The following WWOX variants were observed in gnomAD, a reference collection of about 807,000 sequenced individuals.
WWOX encodes WW domain containing oxidoreductase.
In WWOX, 69 loss-of-function variants were observed where a neutral mutation model predicts 46.2. That is an observed-to-expected ratio of 1.49 (90% CI 1.23 to 1.82). The LOEUF (loss-of-function observed/expected upper bound fraction) is 1.82, where lower values mean the gene tolerates loss of function less well. Among genes scored for constraint, WWOX ranks in the 40% most tolerant of loss-of-function variants. The pLI is 0.00. For missense variants in WWOX, 919 were observed against 542.6 expected, an observed-to-expected ratio of 1.69 and a Z score of -6.89; for synonymous variants, 359 against 202.6, an observed-to-expected ratio of 1.77 and a Z score of -6.56.
intron 8 of WWOX, among the ~76,000 whole-genome samples, chr16:78,588,144 G>T (rs1481436814): frequency 1.3e-5 from 2 of 152,102 alleles, no homozygotes; most frequent in East Asian, 3.9e-4. Context: ...GGTTAGTATT[G>T]GCAAGCTAAT....
intron 8 of WWOX, among the ~76,000 whole-genome samples, chr16:79,081,137 T>C (rs1203021469): frequency 6.6e-6 from 1 of 152,060 alleles, no homozygotes; most frequent in African/African-American, 2.4e-5. Flanking sequence ...AAAATCGAGA[T>C]CCAGTGGAGT....
chr16:78,999,487 C>G (rs1597256689), intron 8 of WWOX, among the ~76,000 whole-genome samples: 1 of 152,202 alleles, frequency 6.6e-6, no homozygotes, highest in East Asian at 1.9e-4. Context: ...GAAGGAATAG[C>G]TGCATCACTT....
chr16:79,142,089 C>T (rs929966019), intron 8 of WWOX, among the ~76,000 whole-genome samples: 7 of 152,116 alleles, frequency 4.6e-5, no homozygotes, highest in African/African-American at 1.7e-4. Flanking sequence ...CATCTCCTGC[C>T]CTTACTTCTT....
chr16:78,806,915 C>T (rs2051055435), intron 8 of WWOX, among the ~76,000 whole-genome samples: 1 of 152,196 alleles, frequency 6.6e-6, no homozygotes, highest in African/African-American at 2.4e-5. Context: ...TGGTATTTGG[C>T]AAGGGGTCAG....
chr16:78,903,127 C>T (rs545261850), intron 8 of WWOX, among the ~76,000 whole-genome samples: 5 of 152,328 alleles, frequency 3.3e-5, no homozygotes, highest in Admixed American at 6.5e-5. Context: ...CAAGCAGCCA[C>T]TCAGGGGCCC....
rs149499686 is a variant in WWOX at position 78,711,281 on chromosome 16, T to A, written c.1056+278529T>A. Among the ~76,000 whole-genome samples, 774 of 152,314 alleles carry A rather than the reference T, an allele frequency of 5.1e-3. 10 individuals are homozygous for A. Among genetic ancestry groups the A allele is most frequent in the African/African-American group, 0.018 (737 of 41,574 alleles). ...GGATGTATATATACGTTAAAAAATATCACTTTCCCTTTTGAAGACATTTAC... is the reference window on the plus strand; with the variant it reads ...GGATGTATATATACGTTAAAAAATAACACTTTCCCTTTTGAAGACATTTAC... On this transcript the variant is annotated intron_variant, in intron 8 of 8. Transcript: ENST00000566780.
chr16:78,334,949 T>G (rs75948339), intron 5 of WWOX, among the ~76,000 whole-genome samples: 10,644 of 141,016 alleles, frequency 0.075, 1,124 homozygotes, highest in African/African-American at 0.24. Flanking sequence ...GGCAGCAAAA[T>G]GTGAGATGGG....
chr16:78,117,911 G>A (rs2032886499), intron 4 of WWOX, among the ~76,000 whole-genome samples: 1 of 152,026 alleles, frequency 6.6e-6, no homozygotes, highest in Admixed American at 6.6e-5. Context: ...GGCGGGGTGG[G>A]CTGAAACATA....
chr16:79,210,170 T>C (rs951455016), intron 8 of WWOX, among the ~76,000 whole-genome samples: 1 of 152,196 alleles, frequency 6.6e-6, no homozygotes, highest in African/African-American at 2.4e-5. Context: ...TTGACTGCAT[T>C]TGACCATTCA....
intron 8 of WWOX, among the ~76,000 whole-genome samples, chr16:78,802,943 C>CAAAAAA (rs1044478788): frequency 7.3e-5 from 3 of 40,842 alleles, no homozygotes; most frequent in African/African-American, 9.7e-5. Flanking sequence ...AAAAAAAAAA[C>CAAAAAA]AACAAACAGA....
intron 8 of WWOX, among the ~76,000 whole-genome samples, chr16:78,682,533 CGAT>C (rs1051349163): frequency 1.3e-5 from 2 of 152,036 alleles, no homozygotes; most frequent in African/African-American, 4.8e-5. Flanking sequence ...CAACGACTTA[CGAT>C]CATGCCATGG....
At chr16:78,448,315 T>C (rs761252328) in intron 8 of WWOX, among the ~76,000 whole-genome samples, 3 of 152,146 alleles carry the variant, frequency 2.0e-5, no homozygotes, top group Admixed American at 6.5e-5. Context: ...TATGTATTAG[T>C]TATCTATCAC....
intron 6 of WWOX, among the ~76,000 whole-genome samples, chr16:78,404,320 A>G (rs998776165): frequency 1.3e-5 from 2 of 152,142 alleles, no homozygotes; most frequent in Admixed American, 6.5e-5. Context: ...ATTCTGTTGT[A>G]TGCCAAGCAT....
chr16:78,786,042 G>C (rs536661545), intron 8 of WWOX, among the ~76,000 whole-genome samples: 40 of 152,268 alleles, frequency 2.6e-4, no homozygotes, highest in African/African-American at 9.1e-4. Flanking sequence ...GAGTAGCTGG[G>C]AATACAGGCA....
chr16:78,327,386 T>C (rs893273781), intron 5 of WWOX, among the ~76,000 whole-genome samples: 3 of 152,148 alleles, frequency 2.0e-5, no homozygotes, highest in Admixed American at 6.6e-5. Flanking sequence ...TCCCCAGTTA[T>C]GAATCTGGGG....
At chr16:79,043,393 G>C (rs1248768054) in intron 8 of WWOX, among the ~76,000 whole-genome samples, 1 of 152,150 alleles carries the variant, frequency 6.6e-6, no homozygotes, top group Non-Finnish European at 1.5e-5. Flanking sequence ...TGTGGATTCT[G>C]AGGATAAAAT....
intron 8 of WWOX, among the ~76,000 whole-genome samples, chr16:78,598,520 G>A (rs1229547189): frequency 4.6e-5 from 7 of 152,142 alleles, no homozygotes; most frequent in African/African-American, 1.7e-4. Context: ...TCTTGCCATG[G>A]CGAGAGCTTA....
intron 6 of WWOX, among the ~76,000 whole-genome samples, chr16:78,412,371 C>G (rs567499446): frequency 1.3e-5 from 2 of 152,168 alleles, no homozygotes; most frequent in East Asian, 1.9e-4. Flanking sequence ...GAAGATAAGA[C>G]TGACAGGTGG....
chr16:78,373,375 T>C (rs563989538), intron 5 of WWOX, among the ~76,000 whole-genome samples: 115 of 152,326 alleles, frequency 7.5e-4, no homozygotes, highest in Middle Eastern at 3.4e-3. Flanking sequence ...TAGGAACTTA[T>C]TATAACTTAA....
Sources: allele counts gnomAD v4.1 joint callset (sites outside exome capture counted in the v4.1 genomes callset), GRCh38; gene constraint gnomAD v4.1.1; transcripts MANE v1.5; gene names NCBI Gene and HGNC (gene_info 2026-07-23, HGNC 2026-07-21).